Variants in PLXDC2 observed in about 807,000 individuals in gnomAD.
The protein encoded by PLXDC2 is plexin domain containing 2, also known as plexin domain-containing protein 2.
In PLXDC2, 40 loss-of-function variants were observed where a neutral mutation model predicts 68.9. The observed-to-expected ratio is 0.58, with a 90% CI of 0.45 to 0.76. The LOEUF is 0.76. PLXDC2 is among the 30% of genes least tolerant of loss of function. PLXDC2 has a pLI of 0.00. For synonymous variants in PLXDC2, 243 were observed against 234.2 expected, an observed-to-expected ratio of 1.04 and a Z score of -0.34; for missense variants, 644 against 661.9, an observed-to-expected ratio of 0.97 and a Z score of 0.30.
intron 1 of PLXDC2, among the ~76,000 whole-genome samples, chr10:19,826,522 C>T (rs745419886): frequency 2.0e-5 from 3 of 152,008 alleles, no homozygotes; most frequent in Non-Finnish European, 4.4e-5. Flanking sequence ...ACTGTGGATG[C>T]CCTGTGAAAA....
chr10:20,154,757 CTT>C (rs1040803106), intron 6 of PLXDC2, among the ~76,000 whole-genome samples: 3 of 151,746 alleles, frequency 2.0e-5, no homozygotes, highest in South Asian at 2.1e-4. Flanking sequence ...GGATGTGACT[CTT>C]TTTTTGTGTC....
intron 5 of PLXDC2, among the ~76,000 whole-genome samples, chr10:20,144,383 T>A (rs1261608499): frequency 1.3e-5 from 2 of 152,140 alleles, no homozygotes; most frequent in Admixed American, 1.3e-4. Context: ...AAGAGCCATC[T>A]CCTGACCAGT....
chr10:20,174,287 T>C (rs1834488470), intron 7 of PLXDC2, among the ~76,000 whole-genome samples: 3 of 148,582 alleles, frequency 2.0e-5, no homozygotes, highest in Non-Finnish European at 4.5e-5. Flanking sequence ...AGATGAGCCA[T>C]CTTTTTATTT....
intron 6 of PLXDC2, among the ~76,000 whole-genome samples, chr10:20,162,077 A>AG (rs1834306059): frequency 3.2e-5 from 3 of 93,726 alleles, no homozygotes; most frequent in South Asian, 4.0e-4. Context: ...AGAGAGAAGG[A>AG]AGGAAGGAAG....
intron 3 of PLXDC2, among the ~76,000 whole-genome samples, chr10:20,062,426 A>G (rs899488951): frequency 6.6e-6 from 1 of 152,128 alleles, no homozygotes; most frequent in African/African-American, 2.4e-5. Context: ...CCATCTCAAT[A>G]AATAAATAAA....
At chr10:20,101,206 A>G (rs977564525) in intron 4 of PLXDC2, among the ~76,000 whole-genome samples, 1 of 152,102 alleles carries the variant, frequency 6.6e-6, no homozygotes, top group African/African-American at 2.4e-5. Context: ...GTGTTGATCT[A>G]TTTATCCACA....
chr10:19,885,528 G>A (rs1837827297), intron 1 of PLXDC2, among the ~76,000 whole-genome samples: 1 of 152,186 alleles, frequency 6.6e-6, no homozygotes, highest in Middle Eastern at 3.4e-3. Context: ...ATTGATTTTT[G>A]TGTAAGGTGT....
chr10:19,856,645 G>T (rs1198842334), intron 1 of PLXDC2, among the ~76,000 whole-genome samples: 1 of 152,042 alleles, frequency 6.6e-6, no homozygotes, highest in African/African-American at 2.4e-5. Context: ...GTCTTTCCTG[G>T]CCCTGACAGC....
intron 12 of PLXDC2, among the ~76,000 whole-genome samples, chr10:20,242,415 A>G (rs1391316868): frequency 6.6e-6 from 1 of 152,214 alleles, no homozygotes; most frequent in Non-Finnish European, 1.5e-5. Flanking sequence ...TATGTATTAA[A>G]TGTGGAATTC....
At chr10:20,250,703 C>G (rs1050186639) in intron 13 of PLXDC2, among the ~76,000 whole-genome samples, 1 of 152,176 alleles carries the variant, frequency 6.6e-6, no homozygotes, top group South Asian at 2.1e-4. Context: ...GAAATGCAGG[C>G]TGATATACAT....
At chr10:19,914,604 G>T (rs764242426) in intron 1 of PLXDC2, among the ~76,000 whole-genome samples, 3 of 152,156 alleles carry the variant, frequency 2.0e-5, no homozygotes, top group Non-Finnish European at 4.4e-5. Flanking sequence ...AAAGAGAAAA[G>T]CGAACATAAA....
At chr10:19,840,594 C>G (rs752783731) in intron 1 of PLXDC2, among the ~76,000 whole-genome samples, 1 of 152,064 alleles carries the variant, frequency 6.6e-6, no homozygotes, top group Non-Finnish European at 1.5e-5. Context: ...AATAAAAACA[C>G]ATTTTGTTTA....
intron 4 of PLXDC2, among the ~76,000 whole-genome samples, chr10:20,087,801 A>C (rs1235913555): frequency 6.6e-6 from 1 of 152,188 alleles, no homozygotes; most frequent in Non-Finnish European, 1.5e-5. Flanking sequence ...CTGTTACGGG[A>C]CTGTGGTTTT....
intron 2 of PLXDC2, among the ~76,000 whole-genome samples, chr10:20,046,244 T>C (rs1276167087): frequency 6.6e-6 from 1 of 152,090 alleles, no homozygotes; most frequent in Admixed American, 6.6e-5. Flanking sequence ...ATTAGATCTT[T>C]GTACCCAGTA....
intron 1 of PLXDC2, among the ~76,000 whole-genome samples, chr10:19,892,017 TAAAGTA>T (rs773292304): frequency 1.3e-5 from 2 of 152,214 alleles, no homozygotes; most frequent in Non-Finnish European, 2.9e-5. Context: ...TACTTTTCAT[TAAAGTA>T]AAACAAGGGA....
At chr10:20,092,762 G>A (rs1307089852) in intron 4 of PLXDC2, among the ~76,000 whole-genome samples, 1 of 151,906 alleles carries the variant, frequency 6.6e-6, no homozygotes, top group Non-Finnish European at 1.5e-5. Flanking sequence ...AGCCCTAAAT[G>A]CAGTCACAAG....
intron 9 of PLXDC2, among the ~76,000 whole-genome samples, chr10:20,180,591 T>C (rs965287822): frequency 4.6e-5 from 7 of 152,086 alleles, no homozygotes; most frequent in African/African-American, 1.7e-4. Context: ...ACTTTCTTCT[T>C]TGTGCTTACT....
At chr10:19,963,635 A>C (rs1275310086) in intron 1 of PLXDC2, among the ~76,000 whole-genome samples, 2 of 152,140 alleles carry the variant, frequency 1.3e-5, no homozygotes, top group Admixed American at 6.5e-5. Flanking sequence ...GGAATTGAAC[A>C]ATGAGAACAC....
chr10:19,831,879 A>G (rs1836699882), intron 1 of PLXDC2, among the ~76,000 whole-genome samples: 1 of 152,162 alleles, frequency 6.6e-6, no homozygotes, highest in South Asian at 2.1e-4. Context: ...ATAGTACTGC[A>G]ATGCATGTCT....
Sources: gnomAD v4.1 joint callset for allele counts (sites outside exome capture counted in the v4.1 genomes callset) on GRCh38, gnomAD v4.1.1 for gene constraint, MANE v1.5 for transcripts, NCBI Gene and HGNC (gene_info 2026-07-23, HGNC 2026-07-21) for gene names.